The following CABLES1 variants were observed in gnomAD, a reference collection of about 807,000 sequenced individuals.
CABLES1 encodes the protein Cdk5 and Abl enzyme substrate 1.
Under a neutral mutation model 57.8 loss-of-function variants are expected in CABLES1, and 36 were observed. The ratio of observed to expected loss-of-function variants is 0.62; its 90% CI spans 0.48 to 0.82. CABLES1 has a LOEUF of 0.82. Ranked by LOEUF, CABLES1 falls within the 40% of genes least tolerant of loss-of-function variation. The pLI, the probability that CABLES1 is intolerant of heterozygous loss-of-function variation, is 0.00. For missense variants in CABLES1, 767 were observed against 836.6 expected, an observed-to-expected ratio of 0.92 and a Z score of 1.03; for synonymous variants, 374 against 363.0, an observed-to-expected ratio of 1.03 and a Z score of -0.35.
intron 1 of CABLES1, among the ~76,000 whole-genome samples, chr18:23,181,886 A>G (rs2047169461): frequency 1.3e-5 from 2 of 152,232 alleles, no homozygotes; most frequent in Non-Finnish European, 2.9e-5. Context: ...TTATTTGGTC[A>G]TAATAACTGT....
intron 1 of CABLES1, among the ~76,000 whole-genome samples, chr18:23,171,339 G>A (rs2047080980): frequency 6.6e-6 from 1 of 152,212 alleles, no homozygotes; most frequent in Non-Finnish European, 1.5e-5. Context: ...ACGGTGCCTT[G>A]TAGTGGGTGC....
chr18:23,211,916 G>A (rs111836770), intron 3 of CABLES1, among the ~76,000 whole-genome samples: 1,743 of 152,388 alleles, frequency 0.011, 19 homozygotes, highest in Non-Finnish European at 0.017. Context: ...GTTCAGCAGG[G>A]TGTGCTCATG....
chr18:23,209,208 C>T (rs1220740881), intron 3 of CABLES1, among the ~76,000 whole-genome samples: 1 of 152,200 alleles, frequency 6.6e-6, no homozygotes, highest in Non-Finnish European at 1.5e-5. Flanking sequence ...GCCCTTGGTC[C>T]AGCATATCTA....
chr18:23,185,828 A>G (rs2047198694), intron 1 of CABLES1, among the ~76,000 whole-genome samples: 1 of 152,200 alleles, frequency 6.6e-6, no homozygotes, highest in African/African-American at 2.4e-5. Flanking sequence ...CCTAATGACA[A>G]TTTGGATGTG....
At chr18:23,181,736 A>G (rs1298233999) in intron 1 of CABLES1, among the ~76,000 whole-genome samples, 1 of 152,166 alleles carries the variant, frequency 6.6e-6, no homozygotes, top group Non-Finnish European at 1.5e-5. Flanking sequence ...CCTCCCAAGC[A>G]GCTCACTTCT....
Position 23,136,507 on chromosome 18 carries a change from C to G in CABLES1, c.745C>G (p.Pro249Ala). The G allele has an allele frequency of 6.3e-7, 1 of 1,597,038 alleles. No homozygotes were observed. The highest frequency in any genetic ancestry group is 1.7e-4 in the Middle Eastern group (1 of 6,036). The change falls in exon 1 of 10, where the codon CCC becomes GCC. Residue 249 changes from proline to alanine, a missense_variant. Pro to Ala is a conservative substitution (Grantham distance 27). Around this residue, in one of 4 missense-constraint regions of CABLES1, gnomAD observed 529 missense variants for 622.8 expected, o/e 0.85. Transcript: ENST00000256925. The stretch of plus-strand genomic sequence containing the variant: ...CAACTCGTTCACTCAGGGAATCCTG[C>G]CCATCGCCTTCTCCAGGCCGACTTC... ...RLNSFTQGILPIAFSRPTSQN... is the reference protein window; with the variant it reads ...RLNSFTQGILAIAFSRPTSQN...
chr18:23,255,091 G>A (rs938102592), intron 9 of CABLES1, among the ~76,000 whole-genome samples: 2 of 152,192 alleles, frequency 1.3e-5, no homozygotes, highest in African/African-American at 2.4e-5. Flanking sequence ...CTGGTGCCTG[G>A]CTCTGGGGTG....
chr18:23,180,898 A>T (rs574480328), intron 1 of CABLES1, among the ~76,000 whole-genome samples: 49 of 152,272 alleles, frequency 3.2e-4, no homozygotes, highest in Middle Eastern at 3.4e-3. Context: ...AGAAAGTCAG[A>T]GATTCTGTAA....
intron 1 of CABLES1, among the ~76,000 whole-genome samples, chr18:23,144,428 A>G (rs1357363761): frequency 2.6e-5 from 4 of 152,232 alleles, no homozygotes; most frequent in African/African-American, 9.6e-5. Flanking sequence ...ACAATCTGTC[A>G]TGGGGCTAAG....
chr18:23,192,316 G>A (rs2047250129), intron 2 of CABLES1, among the ~76,000 whole-genome samples: 1 of 152,234 alleles, frequency 6.6e-6, no homozygotes, highest in Non-Finnish European at 1.5e-5. Flanking sequence ...GCTGGTGGCC[G>A]CAGCTGTTAA....
intron 3 of CABLES1, among the ~76,000 whole-genome samples, chr18:23,201,361 T>G (rs1007918479): frequency 3.3e-5 from 5 of 152,208 alleles, no homozygotes; most frequent in African/African-American, 1.2e-4. Flanking sequence ...GGGTCCCATC[T>G]GTGGTGTTGC....
chr18:23,228,348 A>T (rs1315333416), intron 4 of CABLES1, among the ~76,000 whole-genome samples: 1 of 152,124 alleles, frequency 6.6e-6, no homozygotes, highest in Non-Finnish European at 1.5e-5. Flanking sequence ...ATTAATAATG[A>T]CCTAGGTATT....
At position 23,136,480 on chromosome 18, in the gene CABLES1, C is replaced by T. The variant is rs79793507; in HGVS notation, c.718C>T (p.Leu240Phe). The T allele has an allele frequency of 4.5e-4, 717 of 1,603,782 alleles. 2 individuals are homozygous for T. In the African/African-American group the frequency reaches 8.2e-3, roughly 18 times the overall value. The change falls in exon 1 of 10, where the codon CTC becomes TTC. Residue 240 changes from leucine to phenylalanine, a missense_variant. Transcript: ENST00000256925. ...PGSGSGSRGRLNSFTQGILPI... is the reference protein window; with the variant it reads ...PGSGSGSRGRFNSFTQGILPI... Reference sequence around the variant, plus strand: ...GAGTGGGAGCGGCAGTCGGGGACGCCTCAACTCGTTCACTCAGGGAATCCT... The same window carrying T: ...GAGTGGGAGCGGCAGTCGGGGACGCTTCAACTCGTTCACTCAGGGAATCCT...
At chr18:23,186,665 A>G (rs2047205163) in intron 1 of CABLES1, among the ~76,000 whole-genome samples, 1 of 151,926 alleles carries the variant, frequency 6.6e-6, no homozygotes, top group African/African-American at 2.4e-5. Flanking sequence ...CAGGTGATCC[A>G]CCCACCTCGG....
intron 7 of CABLES1, among the ~76,000 whole-genome samples, chr18:23,243,902 C>G (rs922894403): frequency 7.3e-5 from 11 of 150,104 alleles, no homozygotes; most frequent in African/African-American, 2.5e-4. Context: ...TAATACAAAA[C>G]AAGAGTTTGA....
intron 1 of CABLES1, among the ~76,000 whole-genome samples, chr18:23,181,310 A>C (rs1418286689): frequency 6.7e-6 from 1 of 148,274 alleles, no homozygotes; most frequent in Non-Finnish European, 1.5e-5. Flanking sequence ...ACTGGCCAAC[A>C]TGGTGAAACC....
chr18:23,156,981 C>T (rs1782890833), intron 1 of CABLES1, among the ~76,000 whole-genome samples: 1 of 152,186 alleles, frequency 6.6e-6, no homozygotes, highest in South Asian at 2.1e-4. Flanking sequence ...TTGGTCACCT[C>T]AACTAGGAAT....
At position 23,259,484 on chromosome 18, in the gene CABLES1, T is replaced by C. The variant is rs1472901865; in HGVS notation, c.*2117T>C. The C allele has an allele frequency of 6.6e-6, 1 of 152,230 alleles. No homozygotes were observed. The allele number at this position is 152,230 out of a possible 1,614,324, so 9.4% of individuals were successfully genotyped here. A position where few individuals can be genotyped will look rare whatever the true frequency, so the allele number is the denominator to read the frequency against. Reference sequence around the variant, plus strand: ...CATTTATGAGGTGAGCCCATGAAGTTAGTGGTCCATTACTTTTTAAAGATG... The same window carrying C: ...CATTTATGAGGTGAGCCCATGAAGTCAGTGGTCCATTACTTTTTAAAGATG... On this transcript the variant is annotated 3_prime_UTR_variant, in exon 10 of 10. Transcript: ENST00000256925.
rs138920149 is a variant in CABLES1, at chr18:23,199,939, C to T, written c.1010+5399C>T. Among the ~76,000 whole-genome samples the T allele has an allele frequency of 9.9e-5, 15 of 152,164 alleles. No homozygotes were observed. In the East Asian group the frequency reaches 2.9e-3, roughly 29 times the overall value. ...GTCAGAAGCAGAAGGGAAAGGATGG[C>T]GAATTTCCTGGGATGATGGTACGGG... On this transcript the variant is annotated intron_variant, in intron 3 of 9. Coordinates refer to ENST00000256925, the MANE Select transcript of CABLES1 (RefSeq NM_001100619.3).
Sources: gnomAD v4.1 joint callset for allele counts (sites outside exome capture counted in the v4.1 genomes callset) on GRCh38, gnomAD v4.1.1 for gene constraint, gnomAD v4.1.1 regional missense constraint, MANE v1.5 for transcripts, NCBI Gene and HGNC (gene_info 2026-07-23, HGNC 2026-07-21) for gene names.